MAP4K3: variants seen among roughly 807,000 people sequenced by gnomAD.
The protein encoded by MAP4K3 is MAPK/ERK kinase kinase kinase 3.
Under a neutral mutation model 143.5 loss-of-function variants are expected in MAP4K3, and 94 were observed. The ratio of observed to expected loss-of-function variants is 0.65; its 90% CI spans 0.55 to 0.78. MAP4K3 has a LOEUF of 0.78. Among genes scored for constraint, MAP4K3 ranks in the 30% least tolerant of loss-of-function variants. The pLI, the probability that MAP4K3 is intolerant of heterozygous loss-of-function variation, is 0.00. For missense variants in MAP4K3, 1,077 were observed against 1,068.1 expected (o/e 1.01, Z -0.12); for synonymous variants, 416 against 347.2 (o/e 1.20, Z -2.20).
chr2:39,271,226 AGACT>A, intron 26 of MAP4K3, among the ~76,000 whole-genome samples: 1 of 152,218 alleles, frequency 6.6e-6, no homozygotes, highest in East Asian at 1.9e-4. Flanking sequence ...TTAAAGGAAG[AGACT>A]ATATCTTATT....
intron 2 of MAP4K3, among the ~76,000 whole-genome samples, chr2:39,374,175 A>G (rs1666157272): frequency 6.6e-6 from 1 of 152,164 alleles, no homozygotes; most frequent in African/African-American, 2.4e-5. Context: ...TGATGCCAGG[A>G]GTTTGAGGCC....
chr2:39,414,598 G>A (rs762383343), intron 1 of MAP4K3, among the ~76,000 whole-genome samples: 3 of 152,010 alleles, frequency 2.0e-5, no homozygotes, highest in South Asian at 2.1e-4. Flanking sequence ...AACCTAGGCC[G>A]GGTGCGGTGG....
intron 8 of MAP4K3, among the ~76,000 whole-genome samples, chr2:39,329,491 T>G (rs886180403): frequency 6.6e-6 from 1 of 152,126 alleles, no homozygotes; most frequent in Admixed American, 6.5e-5. Context: ...TAGCAGCCAA[T>G]GAGCCTCAAA....
intron 2 of MAP4K3, among the ~76,000 whole-genome samples, chr2:39,361,028 A>G (rs72927123): frequency 4.6e-5 from 7 of 152,232 alleles, no homozygotes; most frequent in South Asian, 2.1e-4. Context: ...CCTTGTCTAC[A>G]TATCTAGCAC....
intron 1 of MAP4K3, among the ~76,000 whole-genome samples, chr2:39,391,034 AAG>A (rs1420926536): frequency 6.6e-6 from 1 of 152,270 alleles, no homozygotes; most frequent in Non-Finnish European, 1.5e-5. Context: ...CTGGAAAAAA[AAG>A]AGTTATTGGT....
At chr2:39,288,410 G>A in intron 19 of MAP4K3, 130 bp from the exon 20 acceptor site, 1 of 738,242 alleles carries the variant, frequency 1.4e-6, no homozygotes, top group Admixed American at 2.8e-5. Flanking sequence ...TGAGTTTAAA[G>A]GTTACTCAAC....
chr2:39,333,447 A>C, intron 7 of MAP4K3, 85 bp downstream of exon 7: 1 of 1,051,212 alleles, frequency 9.5e-7, no homozygotes, highest in Non-Finnish European at 1.5e-6. Context: ...TAGGAGAGGG[A>C]AAACCTGGTC....
intron 6 of MAP4K3, among the ~76,000 whole-genome samples, chr2:39,333,996 TGTG>T (rs1214056369): frequency 6.8e-6 from 1 of 146,094 alleles, no homozygotes; most frequent in Non-Finnish European, 1.5e-5. Context: ...TGTGTGTGTG[TGTG>T]TTTTTAAAAG....
chr2:39,250,755 A>G (rs1348302296), intron 33 of MAP4K3, 50 bp from the exon 34 acceptor site: 2 of 1,489,892 alleles, frequency 1.3e-6, no homozygotes, highest in East Asian at 4.6e-5. Context: ...CCTGAAAATT[A>G]ATGTTAGCTC....
Position 39,326,386 on chromosome 2 carries a change from C to T in MAP4K3, c.531-109G>A, listed in dbSNP as rs1164723771. 7.9e-6 allele frequency: 10 copies of T among 1,258,648 alleles called. No homozygotes were observed. The Admixed American group carries it at 2.1e-4, about 26-fold the overall frequency. The allele number at this position is 1,258,648 out of a possible 1,614,324, so 78.0% of individuals were successfully genotyped here. A position where few individuals can be genotyped will look rare whatever the true frequency, so the allele number is the denominator to read the frequency against. ...CTATCTAAATTAAGGCCTCTTTAGG[C>T]CTTGGTTTTTGAAAAATAAATATGC... On this transcript the variant is annotated intron_variant, in intron 8 of 33. Coordinates refer to ENST00000263881, the MANE Select transcript of MAP4K3 (RefSeq NM_003618.4).
chr2:39,341,609 T>C (rs1045936441), intron 4 of MAP4K3, among the ~76,000 whole-genome samples: 2 of 150,292 alleles, frequency 1.3e-5, no homozygotes, highest in South Asian at 2.1e-4. Context: ...TGAGCCGAGA[T>C]AGCACCACTG....
intron 26 of MAP4K3, among the ~76,000 whole-genome samples, chr2:39,271,743 C>T (rs981472871): frequency 2.6e-5 from 4 of 152,134 alleles, no homozygotes; most frequent in African/African-American, 7.2e-5. Context: ...AGGCTCGAGC[C>T]ACCATGCCTG....
intron 31 of MAP4K3, among the ~76,000 whole-genome samples, chr2:39,256,349 C>T (rs1680343344): frequency 6.6e-6 from 1 of 152,038 alleles, no homozygotes. Context: ...TTTAGTTCTC[C>T]ACTTTAATGG....
intron 12 of MAP4K3, among the ~76,000 whole-genome samples, chr2:39,322,620 A>T (rs62136469): frequency 1.7e-5 from 1 of 60,280 alleles, no homozygotes; most frequent in South Asian, 5.1e-4. Context: ...GTGTGTGTAT[A>T]TATGTATATA....
chr2:39,285,073 G>C (rs1026672692), intron 21 of MAP4K3, among the ~76,000 whole-genome samples: 1 of 151,668 alleles, frequency 6.6e-6, no homozygotes, highest in African/African-American at 2.4e-5. Context: ...TTTATTTTTT[G>C]TAGAGACAGG....
chr2:39,419,369 GTTTA>G (rs1344654253), intron 1 of MAP4K3, among the ~76,000 whole-genome samples: 1 of 152,114 alleles, frequency 6.6e-6, no homozygotes, highest in South Asian at 2.1e-4. Flanking sequence ...TTATAAAGCA[GTTTA>G]TTTAAATTTC....
At chr2:39,366,273 G>A (rs1338883035) in intron 2 of MAP4K3, among the ~76,000 whole-genome samples, 22 of 151,710 alleles carry the variant, frequency 1.5e-4, no homozygotes, top group Non-Finnish European at 1.8e-4. Context: ...GCAGGGTGGT[G>A]GGGTGGGGGT....
At chr2:39,335,271 T>C (rs1664902151) in intron 6 of MAP4K3, among the ~76,000 whole-genome samples, 1 of 152,078 alleles carries the variant, frequency 6.6e-6, no homozygotes, top group East Asian at 1.9e-4. Flanking sequence ...AAGGTCCCTT[T>C]GGTCGCCAAG....
chr2:39,255,260 T>C (rs1680299130), intron 31 of MAP4K3, among the ~76,000 whole-genome samples: 1 of 152,226 alleles, frequency 6.6e-6, no homozygotes, highest in Non-Finnish European at 1.5e-5. Flanking sequence ...TTGTACATCT[T>C]GAATACATGT....
Sources: gnomAD v4.1 joint callset for allele counts (sites outside exome capture counted in the v4.1 genomes callset) on GRCh38, gnomAD v4.1.1 for gene constraint, MANE v1.5 for transcripts, NCBI Gene and HGNC (gene_info 2026-07-23, HGNC 2026-07-21) for gene names.